The following TRPM3 variants were observed in gnomAD, a reference collection of about 807,000 sequenced individuals.
TRPM3 encodes the protein transient receptor potential cation channel subfamily M member 3.
A neutral mutation model predicts 181.2 loss-of-function variants in TRPM3; 77 were observed. That is an observed-to-expected ratio of 0.42 (90% CI 0.35 to 0.51). The LOEUF is 0.51. TRPM3 is among the 20% of genes least tolerant of loss of function. The pLI, the probability that TRPM3 is intolerant of heterozygous loss-of-function variation, is 0.01. For synonymous variants in TRPM3, 745 were observed against 796.4 expected (o/e 0.94, Z 1.09); for missense variants, 1,759 against 2,196.7 (o/e 0.80, Z 3.98).
At chr9:71,233,975 G>T (rs1208318575) in intron 1 of TRPM3, among the ~76,000 whole-genome samples, 1 of 152,164 alleles carries the variant, frequency 6.6e-6, no homozygotes, top group African/African-American at 2.4e-5. Context: ...ATTGTTCCCA[G>T]ACTTAGTAGT....
intron 9 of TRPM3, among the ~76,000 whole-genome samples, chr9:70,669,058 A>G (rs192757979): frequency 8.5e-5 from 13 of 152,332 alleles, no homozygotes; most frequent in Admixed American, 7.8e-4. Context: ...ATTCTGTGCC[A>G]GTTCTGAGGC....
chr9:70,649,192 C>CTT (rs58145886), intron 9 of TRPM3, among the ~76,000 whole-genome samples: 9,391 of 144,186 alleles, frequency 0.065, 1,030 homozygotes, highest in African/African-American at 0.22. Context: ...TGAACAGACA[C>CTT]TTTTTTTTTT....
rs372556006 is a variant in TRPM3 at position 71,097,914 on chromosome 9, A to G, written c.177+23264T>C. ...GTTAGAGACATGTGGAAAGGACAGG[A>G]TCTATGATTAAATCTGTCCAGCAAG... On this transcript the variant is annotated intron_variant, in intron 1 of 25. Transcript: ENST00000677713. Among the ~76,000 whole-genome samples, 4 of 152,266 alleles carry G rather than the reference A, an allele frequency of 2.6e-5. No individual in the cohort carries two copies. The East Asian group carries it at 5.8e-4, about 22-fold the overall frequency.
At chr9:71,068,775 T>C (rs901890402) in intron 1 of TRPM3, among the ~76,000 whole-genome samples, 8 of 152,192 alleles carry the variant, frequency 5.3e-5, no homozygotes, top group African/African-American at 1.9e-4. Context: ...ATCAAATGAT[T>C]CTCATGTGTT....
At chr9:70,558,068 AC>A (rs1291769388) in intron 22 of TRPM3, among the ~76,000 whole-genome samples, 1 of 152,104 alleles carries the variant, frequency 6.6e-6, no homozygotes, top group African/African-American at 2.4e-5. Flanking sequence ...TGGACATGTG[AC>A]CCACACCTGA....
intron 8 of TRPM3, among the ~76,000 whole-genome samples, chr9:70,752,865 T>C (rs1316466524): frequency 6.6e-6 from 1 of 152,122 alleles, no homozygotes; most frequent in Non-Finnish European, 1.5e-5. Context: ...CTCTCAGCAC[T>C]TTGGCAGGCC....
At chr9:71,367,715 T>G (rs2132769131) in intron 1 of TRPM3, among the ~76,000 whole-genome samples, 1 of 152,282 alleles carries the variant, frequency 6.6e-6, no homozygotes, top group Non-Finnish European at 1.5e-5. Flanking sequence ...AAGTGCTCTG[T>G]AAACTAAAGA....
At chr9:71,006,819 C>T (rs1399284923) in intron 1 of TRPM3, among the ~76,000 whole-genome samples, 98 of 143,496 alleles carry the variant, frequency 6.8e-4, no homozygotes, top group African/African-American at 2.4e-3. Context: ...TGCAGTGAGC[C>T]GAGATCGCGC....
intron 11 of TRPM3, among the ~76,000 whole-genome samples, chr9:70,636,085 T>C (rs993669811): frequency 1.3e-5 from 2 of 152,190 alleles, no homozygotes; most frequent in Admixed American, 1.3e-4. Context: ...AAATTAGACT[T>C]TGTGGGTCAC....
intron 1 of TRPM3, chr9:71,446,507 C>G: frequency 1.2e-5 from 10 of 824,054 alleles, no homozygotes; most frequent in Non-Finnish European, 1.9e-5. Context: ...CTCACAGCCC[C>G]CAGCACTCTA....
intron 1 of TRPM3, among the ~76,000 whole-genome samples, chr9:71,195,365 A>T (rs2078282780): frequency 6.6e-6 from 1 of 152,212 alleles, no homozygotes; most frequent in East Asian, 1.9e-4. Context: ...GAACACATAC[A>T]TGCGGCCAAC....
At chr9:71,161,648 T>A (rs150994882) in intron 1 of TRPM3, among the ~76,000 whole-genome samples, 446 of 152,246 alleles carry the variant, frequency 2.9e-3, no homozygotes, top group Admixed American at 4.8e-3. Context: ...CTGTGTACTG[T>A]CTTAGCATAC....
At chr9:70,982,710 GT>G (rs2097375342) in intron 1 of TRPM3, among the ~76,000 whole-genome samples, 2 of 152,030 alleles carry the variant, frequency 1.3e-5, no homozygotes, top group South Asian at 2.1e-4. Context: ...TTATTTTGTT[GT>G]TTTTGTTGAG....
chr9:71,377,799 T>C (rs1243389383), intron 1 of TRPM3, among the ~76,000 whole-genome samples: 4 of 152,084 alleles, frequency 2.6e-5, no homozygotes, highest in African/African-American at 9.7e-5. Context: ...TAGATTATTT[T>C]TGCCTGTTTG....
chr9:71,081,532 T>C (rs764260584), intron 1 of TRPM3, among the ~76,000 whole-genome samples: 6 of 152,166 alleles, frequency 3.9e-5, no homozygotes, highest in South Asian at 2.1e-4. Context: ...TTGAGAGACA[T>C]AGAACAGTCA....
At chr9:71,368,359 A>G (rs1231654155) in intron 1 of TRPM3, among the ~76,000 whole-genome samples, 1 of 152,202 alleles carries the variant, frequency 6.6e-6, no homozygotes, top group Non-Finnish European at 1.5e-5. Flanking sequence ...GCAGCTGGCT[A>G]AACTCCAGGC....
At chr9:71,419,690 A>T (rs2093696293) in intron 1 of TRPM3, among the ~76,000 whole-genome samples, 1 of 152,022 alleles carries the variant, frequency 6.6e-6, no homozygotes, top group Non-Finnish European at 1.5e-5. Flanking sequence ...AATACAACTT[A>T]ACTGTACACT....
rs118126247 is a variant in TRPM3, at chr9:70,572,957, T to G, written c.3223+18074A>C. Among the ~76,000 whole-genome samples the G allele has an allele frequency of 5.0e-3, 767 of 152,350 alleles. 2 individuals are homozygous for G. The highest frequency in any genetic ancestry group is 0.015 in the South Asian group (71 of 4,828). ...AACATTTCTTTTTAATAATAACTAT[T>G]TCCTATTCTTCCTTCATTCTTCAGA... On this transcript the variant is annotated intron_variant, in intron 22 of 25. Coordinates refer to ENST00000677713, the MANE Select transcript of TRPM3 (RefSeq NM_001366145.2).
intron 8 of TRPM3, among the ~76,000 whole-genome samples, chr9:70,686,698 C>CTTCCTTCCTTCCTTCT (rs2066942187): frequency 1.2e-5 from 1 of 80,320 alleles, no homozygotes; most frequent in African/African-American, 4.7e-5. Flanking sequence ...TCCTTCCTTC[C>CTTCCTTCCTTCCTTCT]TTCCTTCCTT....
Sources: allele counts gnomAD v4.1 joint callset (sites outside exome capture counted in the v4.1 genomes callset), GRCh38; gene constraint gnomAD v4.1.1; transcripts MANE v1.5; gene names NCBI Gene and HGNC (gene_info 2026-07-23, HGNC 2026-07-21).